AMZ2: variants seen among roughly 807,000 people sequenced by gnomAD.
AMZ2 encodes the protein archaemetzincin-2.
AMZ2 carries 26 observed loss-of-function variants against 36.7 expected under a neutral mutation model. That is an observed-to-expected ratio of 0.71 (90% CI 0.52 to 0.98). The LOEUF (loss-of-function observed/expected upper bound fraction) is 0.98. AMZ2 is among the 50% of genes least tolerant of loss of function. The pLI is 0.00. For missense variants in AMZ2, 394 were observed against 430.5 expected (o/e 0.92, Z 0.75); for synonymous variants, 144 against 149.1 (o/e 0.97, Z 0.25).
At chr17:68,209,605 T>TGC (rs1491308940) in intron 1 of AMZ2, among the ~76,000 whole-genome samples, 1 of 118,592 alleles carries the variant, frequency 8.4e-6, no homozygotes, top group Non-Finnish European at 1.6e-5. Context: ...TGTGTGTGTG[T>TGC]ATATGTATAT....
At chr17:68,212,834 C>T (rs1221545698) in intron 1 of AMZ2, among the ~76,000 whole-genome samples, 2 of 152,254 alleles carry the variant, frequency 1.3e-5, no homozygotes, top group African/African-American at 2.4e-5. Context: ...TCCCAAAGTG[C>T]TGGGATTACA....
intron 1 of AMZ2, among the ~76,000 whole-genome samples, chr17:68,223,993 C>T (rs1423937965): frequency 4.0e-5 from 6 of 151,828 alleles, no homozygotes; most frequent in Non-Finnish European, 8.8e-5. Flanking sequence ...GGGTTCACGC[C>T]ATTCTCCTGC....
chr17:68,234,505 A>T (rs1247189517), intron 1 of AMZ2, among the ~76,000 whole-genome samples: 1 of 151,950 alleles, frequency 6.6e-6, no homozygotes, highest in Non-Finnish European at 1.5e-5. Flanking sequence ...TCATGCCTGT[A>T]ATCCCAGCAC....
chr17:68,239,923 A>G (rs1412372899), intron 1 of AMZ2, among the ~76,000 whole-genome samples: 1 of 152,268 alleles, frequency 6.6e-6, no homozygotes, highest in South Asian at 2.1e-4. Flanking sequence ...CAAATCTTCA[A>G]AAGTAGTATA....
rs1555738665 is a variant in AMZ2, at chr17:68,250,350, T to C, written c.163T>C (p.Ser55Pro). The change falls in exon 2 of 7, where the codon TCT becomes CCT. Residue 55 changes from serine to proline, a missense_variant. By Grantham distance (74) the Ser-to-Pro change is moderately conservative. Transcript: ENST00000359904. ...SDLFGPITLH[S>P]PSDWITSHPE... is the part of the protein sequence containing the mutation. Reference sequence around the variant, plus strand: ...TCTCTTTGGACCCATTACCTTGCATTCTCCATCAGATTGGATCACCTCCCA... The same window carrying C: ...TCTCTTTGGACCCATTACCTTGCATCCTCCATCAGATTGGATCACCTCCCA... 9.3e-6 allele frequency: 15 copies of C among 1,614,058 alleles called. No individual in the cohort carries two copies. In the East Asian group the frequency reaches 2.4e-4, roughly 26 times the overall value.
chr17:68,233,883 G>A (rs2073727717), intron 1 of AMZ2, among the ~76,000 whole-genome samples: 1 of 151,900 alleles, frequency 6.6e-6, no homozygotes, highest in African/African-American at 2.4e-5. Context: ...CACCACACCT[G>A]CTTAAGCTGA....
chr17:68,228,251 C>A (rs1361654077), intron 1 of AMZ2, among the ~76,000 whole-genome samples: 3 of 152,202 alleles, frequency 2.0e-5, no homozygotes, highest in African/African-American at 7.2e-5. Flanking sequence ...TGATGCCACT[C>A]CACCTACGCC....
chr17:68,226,117 G>A (rs7222907), intron 1 of AMZ2, among the ~76,000 whole-genome samples: 53,885 of 151,804 alleles, frequency 0.35, 10,677 homozygotes, highest in African/African-American at 0.54. Flanking sequence ...TGGCAAATCC[G>A]ACTGGCCCGA....
intron 5 of AMZ2, among the ~76,000 whole-genome samples, chr17:68,255,464 T>C (rs1568385672): frequency 6.6e-6 from 1 of 152,188 alleles, no homozygotes; most frequent in Non-Finnish European, 1.5e-5. Flanking sequence ...CAACCTGGTA[T>C]TATCGGTCCA....
intron 1 of AMZ2, among the ~76,000 whole-genome samples, chr17:68,209,632 A>ATATGTATATATATAT: frequency 2.2e-5 from 2 of 90,700 alleles, no homozygotes; most frequent in African/African-American, 9.9e-5. Context: ...ATATATATAT[A>ATATGTATATATATAT]TTTTTTTTTT....
intron 1 of AMZ2, among the ~76,000 whole-genome samples, chr17:68,218,679 C>T (rs1285004955): frequency 2.0e-5 from 3 of 152,172 alleles, no homozygotes; most frequent in Admixed American, 1.3e-4. Context: ...GTCCAGCAGA[C>T]TCCTGGACAT....
intron 1 of AMZ2, among the ~76,000 whole-genome samples, chr17:68,227,003 CTGT>C (rs2073531939): frequency 6.6e-6 from 1 of 150,592 alleles, no homozygotes; most frequent in Non-Finnish European, 1.5e-5. Context: ...TTTTGAACTG[CTGT>C]TGTTATACAT....
chr17:68,224,861 C>A (rs1412758693), intron 1 of AMZ2, among the ~76,000 whole-genome samples: 4 of 151,500 alleles, frequency 2.6e-5, no homozygotes, highest in African/African-American at 9.7e-5. Context: ...TGGGTTTTTG[C>A]TTTGGCAGTT....
rs200407287 is a variant in AMZ2 at position 68,250,834 on chromosome 17, T to C, written c.324T>C (p.Ile108=). ...CCAGAATTATCAGTGAAGAATATAT[T>C]AAATGGCTCACGGGCTACTGTAAAG... ...GNTRIISEEY[I]KWLTGYCKAY... Residue 108 remains isoleucine (I), a synonymous_variant, in exon 3 of 7, where the codon ATT becomes ATC. Transcript: ENST00000359904. The C allele has an allele frequency of 4.0e-5, 64 of 1,595,632 alleles. No individual in the cohort carries two copies. The East Asian group carries it at 1.4e-3, about 36-fold the overall frequency.
chr17:68,227,843 TAAAC>T (rs1258114589), intron 1 of AMZ2, among the ~76,000 whole-genome samples: 3 of 152,096 alleles, frequency 2.0e-5, no homozygotes, highest in Admixed American at 6.5e-5. Context: ...CTCTACAAAA[TAAAC>T]AGAAAAGAAC....
intron 1 of AMZ2, chr17:68,249,580 T>C (rs1226706368): frequency 3.3e-5 from 5 of 152,520 alleles, no homozygotes; most frequent in African/African-American, 1.2e-4. Context: ...ATTATAAGCG[T>C]GAGCCACTGT....
chr17:68,255,889 G>T lies in AMZ2; in HGVS notation c.927+13G>T. The T allele has an allele frequency of 3.1e-6, 5 of 1,613,426 alleles. No homozygotes were observed. The South Asian group carries it at 4.4e-5, about 14-fold the overall frequency. Reference sequence around the variant, plus strand: ...AGAAAGATACAAAGTAAGTTGGGGGGTGGACAGTCTAAAGAGGGGGAAGTG... The same window carrying T: ...AGAAAGATACAAAGTAAGTTGGGGGTTGGACAGTCTAAAGAGGGGGAAGTG... On this transcript the variant is annotated intron_variant, in intron 6 of 6. Transcript: ENST00000359904.
chr17:68,209,796 T>C (rs1275278010), intron 1 of AMZ2, among the ~76,000 whole-genome samples: 1 of 149,678 alleles, frequency 6.7e-6, no homozygotes, highest in Non-Finnish European at 1.5e-5. Flanking sequence ...AAGTTTTGTA[T>C]GTTTAGTAGA....
In AMZ2 at chr17:68,225,673, G is replaced by T. The variant is rs570668603; in HGVS notation, c.-67+19435G>T. On this transcript the variant is annotated intron_variant, in intron 1 of 7. Coordinates refer to the AMZ2 transcript ENST00000674770. ...TTTTGAGATAGAGTCTCACTCTGTT[G>T]CCCAGGCTGGAGTGCAGTGGTGTAA... Among the ~76,000 whole-genome samples, 50 of 151,866 alleles carry T rather than the reference G, an allele frequency of 3.3e-4. 1 individual carries two copies. The South Asian group carries it at 9.4e-3, about 28-fold the overall frequency.
Sources: gnomAD v4.1 joint callset for allele counts (sites outside exome capture counted in the v4.1 genomes callset) on GRCh38, gnomAD v4.1.1 for gene constraint, MANE v1.5 for transcripts, NCBI Gene and HGNC (gene_info 2026-07-23, HGNC 2026-07-21) for gene names.